The following MYOCD variants were observed in gnomAD, a reference collection of about 807,000 sequenced individuals.
MYOCD encodes the protein myocardin.
In MYOCD, 32 loss-of-function variants were observed where a neutral mutation model predicts 96.1. That is an observed-to-expected ratio of 0.33 (90% CI 0.25 to 0.45). The LOEUF is 0.45. Ranked by LOEUF, MYOCD falls within the 20% of genes least tolerant of loss-of-function variation. MYOCD has a pLI of 1.00. For synonymous variants in MYOCD, 469 were observed against 469.0 expected (o/e 1.00, Z 0.00); for missense variants, 1,133 against 1,200.6 (o/e 0.94, Z 0.83).
chr17:12,681,084 T>G (rs774193103), intron 1 of MYOCD, among the ~76,000 whole-genome samples: 3 of 152,170 alleles, frequency 2.0e-5, no homozygotes, highest in Admixed American at 6.5e-5. Context: ...TCCCATGCCT[T>G]GTAAATGGAA....
chr17:12,716,787 A>G (rs2031652983), intron 3 of MYOCD, among the ~76,000 whole-genome samples: 1 of 151,908 alleles, frequency 6.6e-6, no homozygotes, highest in Non-Finnish European at 1.5e-5. Context: ...AGACCAGCCT[A>G]GGAAACATGG....
chr17:12,746,190 G>A, intron 9 of MYOCD, 118 bp downstream of exon 9: 1 of 1,119,428 alleles, frequency 8.9e-7, no homozygotes, highest in Non-Finnish European at 1.3e-6. Flanking sequence ...GAAGACTGTA[G>A]GAAACACTGA....
At chr17:12,756,252 T>C (rs889421385) in intron 10 of MYOCD, among the ~76,000 whole-genome samples, 162 bp from the exon 11 acceptor site, 1 of 152,172 alleles carries the variant, frequency 6.6e-6, no homozygotes, top group Admixed American at 6.5e-5. Context: ...GTAGGTGATG[T>C]CTAAAAAGCC....
intron 4 of MYOCD, chr17:12,720,236 C>T (rs2031790766): frequency 6.6e-6 from 1 of 151,980 alleles, no homozygotes; most frequent in African/African-American, 2.4e-5. Flanking sequence ...ACTGGTCAAA[C>T]CAATCCCCTG....
At chr17:12,668,559 TA>T (rs2150623887) in intron 1 of MYOCD, among the ~76,000 whole-genome samples, 1 of 152,270 alleles carries the variant, frequency 6.6e-6, no homozygotes, top group East Asian at 1.9e-4. Context: ...AAAATTGTGC[TA>T]CAGCAGCAGT....
At chr17:12,757,504 T>C (rs915437638) in intron 11 of MYOCD, among the ~76,000 whole-genome samples, 12 of 152,104 alleles carry the variant, frequency 7.9e-5, no homozygotes, top group Admixed American at 6.6e-4. Flanking sequence ...ATTTATTATT[T>C]ATTTATTTTT....
At chr17:12,739,049 G>A (rs1413308356) in intron 6 of MYOCD, among the ~76,000 whole-genome samples, 154 bp from the exon 7 acceptor site, 1 of 151,992 alleles carries the variant, frequency 6.6e-6, no homozygotes, top group Non-Finnish European at 1.5e-5. Context: ...ACACATATAC[G>A]TATGTGACTC....
At chr17:12,751,618 C>T (rs1045342655) in intron 9 of MYOCD, among the ~76,000 whole-genome samples, 1 of 152,288 alleles carries the variant, frequency 6.6e-6, no homozygotes, top group East Asian at 1.9e-4. Flanking sequence ...GTGCTTTATA[C>T]ATTTTAAGCC....
At chr17:12,695,664 AGGAAAGATACT>A (rs926955388) in intron 1 of MYOCD, among the ~76,000 whole-genome samples, 6 of 152,342 alleles carry the variant, frequency 3.9e-5, no homozygotes, top group African/African-American at 1.4e-4. Flanking sequence ...TAGTGTTAAT[AGGAAAGATACT>A]ATTTTTTGAA....
intron 2 of MYOCD, among the ~76,000 whole-genome samples, chr17:12,715,050 T>A (rs1804060947): frequency 6.6e-6 from 1 of 151,998 alleles, no homozygotes; most frequent in African/African-American, 2.4e-5. Flanking sequence ...GCCACACACT[T>A]TATCCAGAGT....
intron 2 of MYOCD, among the ~76,000 whole-genome samples, chr17:12,709,739 G>C (rs1051541215): frequency 1.3e-5 from 2 of 152,144 alleles, no homozygotes; most frequent in African/African-American, 2.4e-5. Flanking sequence ...GCTCAAGGTT[G>C]CAAGAGAACA....
chr17:12,671,616 T>A (rs908730548), intron 1 of MYOCD, among the ~76,000 whole-genome samples: 6 of 152,220 alleles, frequency 3.9e-5, no homozygotes, highest in South Asian at 2.1e-4. Flanking sequence ...GATACTTTTT[T>A]AAAAACATAT....
chr17:12,691,761 C>T (rs944014741), intron 1 of MYOCD, among the ~76,000 whole-genome samples: 4 of 152,190 alleles, frequency 2.6e-5, no homozygotes, highest in Non-Finnish European at 4.4e-5. Context: ...AACTTACACT[C>T]ATGAGATAAA....
chr17:12,671,441 G>A (rs146392450), intron 1 of MYOCD, among the ~76,000 whole-genome samples: 284 of 152,198 alleles, frequency 1.9e-3, no homozygotes, highest in African/African-American at 6.6e-3. Flanking sequence ...GGGTGTAGCC[G>A]AAAGGTAAGA....
In MYOCD at chr17:12,737,812, G is replaced by C. The variant is rs188462514; in HGVS notation, c.592-1391G>C. On this transcript the variant is annotated intron_variant, in intron 6 of 13. Coordinates refer to ENST00000425538, the MANE Select transcript of MYOCD (RefSeq NM_001146312.3). ...AAAACCATGCCAGTTACTGATCACC[G>C]TCATGCCTATCTTCACCCCATCAGA... Among the ~76,000 whole-genome samples, 4 of 152,170 alleles carry C rather than the reference G, an allele frequency of 2.6e-5. No homozygotes were observed. The East Asian group carries it at 7.7e-4, about 29-fold the overall frequency.
At chr17:12,750,617 A>G (rs2032824122) in intron 9 of MYOCD, among the ~76,000 whole-genome samples, 1 of 152,080 alleles carries the variant, frequency 6.6e-6, no homozygotes, top group Admixed American at 6.6e-5. Flanking sequence ...TGAACCCGGG[A>G]GGTGGAGGTT....
At chr17:12,705,643 G>C (rs1407133123) in intron 2 of MYOCD, 1 of 153,088 alleles carries the variant, frequency 6.5e-6, no homozygotes, top group African/African-American at 2.4e-5. Flanking sequence ...TACCATTTTA[G>C]CATAAATGAT....
rs557421153 is a variant in MYOCD at position 12,754,477 on chromosome 17, G to A, written c.2058+1131G>A. 2.0e-5 allele frequency among the ~76,000 whole-genome samples: 3 copies of A among 152,300 alleles called. No homozygotes were observed. The South Asian group carries it at 6.2e-4, about 32-fold the overall frequency. ...GAAAGCAGTAAAAAGAAAATGTCGT[G>A]GATATTTGGGGTGAAGGCATTGAAG... On this transcript the variant is annotated intron_variant, in intron 10 of 13. Transcript: ENST00000425538.
At chr17:12,713,193 G>T (rs1025683388) in intron 2 of MYOCD, among the ~76,000 whole-genome samples, 1 of 152,208 alleles carries the variant, frequency 6.6e-6, no homozygotes, top group Non-Finnish European at 1.5e-5. Flanking sequence ...GTGGCAGAAG[G>T]TTCCAGAAGA....
Sources: gnomAD v4.1 joint callset for allele counts (sites outside exome capture counted in the v4.1 genomes callset) on GRCh38, gnomAD v4.1.1 for gene constraint, MANE v1.5 for transcripts, NCBI Gene and HGNC (gene_info 2026-07-23, HGNC 2026-07-21) for gene names.